Variants in CLSTN2 observed in about 807,000 individuals in gnomAD.
CLSTN2 encodes calsyntenin-2.
CLSTN2 carries 48 observed loss-of-function variants against 101.2 expected under a neutral mutation model. The observed-to-expected ratio is 0.47, with a 90% CI of 0.38 to 0.60. The LOEUF is 0.60. Among genes scored for constraint, CLSTN2 ranks in the 20% least tolerant of loss-of-function variants. The probability of loss-of-function intolerance (pLI) is 0.00; values close to 1 mark genes in which losing one functional copy is unlikely to be tolerated. For missense variants in CLSTN2, 1,160 were observed against 1,238.2 expected, an observed-to-expected ratio of 0.94 and a Z score of 0.95; for synonymous variants, 481 against 463.6, an observed-to-expected ratio of 1.04 and a Z score of -0.48.
At chr3:140,062,138 G>T (rs2008216889) in intron 1 of CLSTN2, among the ~76,000 whole-genome samples, 3 of 152,184 alleles carry the variant, frequency 2.0e-5, no homozygotes, top group Admixed American at 2.0e-4. Context: ...GGCCAGGAGA[G>T]TGGTGGGTCC....
At chr3:140,176,194 G>C in intron 2 of CLSTN2, 121 bp downstream of exon 2, 2 of 1,074,490 alleles carry the variant, frequency 1.9e-6, no homozygotes, top group East Asian at 5.1e-5. Flanking sequence ...CTCTAGATCA[G>C]CCTGTGATGT....
intron 1 of CLSTN2, among the ~76,000 whole-genome samples, chr3:139,963,639 A>C (rs773725872): frequency 6.6e-6 from 1 of 152,222 alleles, no homozygotes; most frequent in South Asian, 2.1e-4. Context: ...AGAGTCACTC[A>C]TCACAGTAAT....
chr3:140,545,797 A>G (rs374142547), intron 9 of CLSTN2, among the ~76,000 whole-genome samples: 36 of 152,322 alleles, frequency 2.4e-4, no homozygotes, highest in African/African-American at 4.8e-4. Context: ...CAGCCAGGAG[A>G]GAGTATGACA....
At chr3:139,989,178 C>G (rs938783885) in intron 1 of CLSTN2, among the ~76,000 whole-genome samples, 15 of 152,282 alleles carry the variant, frequency 9.9e-5, no homozygotes, top group African/African-American at 3.6e-4. Flanking sequence ...TCTGATGTTG[C>G]AAACCCTATC....
chr3:140,098,499 G>A (rs963292928), intron 1 of CLSTN2, among the ~76,000 whole-genome samples: 1 of 152,166 alleles, frequency 6.6e-6, no homozygotes, highest in Non-Finnish European at 1.5e-5. Context: ...CAAGACTGAG[G>A]GAGACAGAGA....
intron 2 of CLSTN2, among the ~76,000 whole-genome samples, chr3:140,215,408 G>A (rs114236424): frequency 0.024 from 3,689 of 152,236 alleles, 148 homozygotes; most frequent in African/African-American, 0.082. Flanking sequence ...CAGATAACTC[G>A]TTCACAAACA....
chr3:140,251,584 G>GTTCCGTTCCTTTCCTTTCCT (rs2086563938), intron 2 of CLSTN2, among the ~76,000 whole-genome samples: 1 of 117,486 alleles, frequency 8.5e-6, no homozygotes, highest in African/African-American at 3.5e-5. Context: ...CTTAGCTTCC[G>GTTCCGTTCCTTTCCTTTCCT]TTCCTTTCCT....
intron 1 of CLSTN2, among the ~76,000 whole-genome samples, chr3:140,132,462 G>C (rs2009537717): frequency 6.6e-6 from 1 of 152,156 alleles, no homozygotes; most frequent in Non-Finnish European, 1.5e-5. Context: ...AAGGAAAGAA[G>C]GGGTGAGGCA....
chr3:140,479,745 C>G (rs1399545739), intron 8 of CLSTN2, among the ~76,000 whole-genome samples: 1 of 151,842 alleles, frequency 6.6e-6, no homozygotes, highest in Non-Finnish European at 1.5e-5. Flanking sequence ...AGAAAGAGAG[C>G]CTCAAAAGTA....
At chr3:140,041,871 A>T (rs1424682048) in intron 1 of CLSTN2, among the ~76,000 whole-genome samples, 2 of 152,160 alleles carry the variant, frequency 1.3e-5, no homozygotes, top group Admixed American at 1.3e-4. Flanking sequence ...ACTGGGTGAG[A>T]CAAACCTGTG....
At chr3:140,369,196 T>C (rs1360322525) in intron 2 of CLSTN2, among the ~76,000 whole-genome samples, 1 of 152,200 alleles carries the variant, frequency 6.6e-6, no homozygotes, top group Non-Finnish European at 1.5e-5. Context: ...CTAAGACCGA[T>C]TGTTTAAATG....
chr3:140,286,799 G>T (rs1259000048), intron 2 of CLSTN2, among the ~76,000 whole-genome samples: 1 of 152,192 alleles, frequency 6.6e-6, no homozygotes, highest in African/African-American at 2.4e-5. Context: ...AGAAGGAGGA[G>T]TAGTGGGGTC....
intron 2 of CLSTN2, among the ~76,000 whole-genome samples, chr3:140,231,010 G>A (rs58112660): frequency 0.04 from 6,057 of 152,242 alleles, 369 homozygotes; most frequent in African/African-American, 0.14. Flanking sequence ...TGGTTTTTAA[G>A]CAAGAAAATA....
chr3:140,506,220 T>C (rs893930054), intron 8 of CLSTN2: 2 of 152,172 alleles, frequency 1.3e-5, no homozygotes, highest in African/African-American at 4.8e-5. Context: ...TTGCATGAAG[T>C]ATTCTCTCTC....
At chr3:140,092,755 A>G (rs1326165062) in intron 1 of CLSTN2, among the ~76,000 whole-genome samples, 1 of 152,128 alleles carries the variant, frequency 6.6e-6, no homozygotes, top group Non-Finnish European at 1.5e-5. Flanking sequence ...CGAACAATGA[A>G]AGCTCATCCA....
At chr3:140,264,010 G>C (rs1254599719) in intron 2 of CLSTN2, among the ~76,000 whole-genome samples, 2 of 152,058 alleles carry the variant, frequency 1.3e-5, no homozygotes, top group African/African-American at 4.8e-5. Flanking sequence ...TATCAAACTT[G>C]GGTGTTTTCA....
intron 10 of CLSTN2, among the ~76,000 whole-genome samples, chr3:140,555,090 G>C (rs1935769560): frequency 6.6e-6 from 1 of 152,168 alleles, no homozygotes; most frequent in South Asian, 2.1e-4. Context: ...CTGCAGCTCT[G>C]ATCCATACCT....
intron 2 of CLSTN2, among the ~76,000 whole-genome samples, chr3:140,327,232 C>T (rs1056047962): frequency 3.3e-5 from 5 of 152,172 alleles, no homozygotes; most frequent in Non-Finnish European, 7.3e-5. Flanking sequence ...CTTACTGGTA[C>T]CCAATCAAAA....
intron 1 of CLSTN2, among the ~76,000 whole-genome samples, chr3:139,990,078 G>T (rs1936091970): frequency 1.3e-5 from 2 of 152,136 alleles, no homozygotes; most frequent in African/African-American, 4.8e-5. Context: ...GTTGCTTGTA[G>T]GCATTGGAAG....
Sources: gnomAD v4.1 joint callset for allele counts (sites outside exome capture counted in the v4.1 genomes callset) on GRCh38, gnomAD v4.1.1 for gene constraint, MANE v1.5 for transcripts, NCBI Gene and HGNC (gene_info 2026-07-23, HGNC 2026-07-21) for gene names.